Variants in WWC2 observed in about 807,000 individuals in gnomAD.
WWC2 encodes the protein protein WWC2.
WWC2 carries 101 observed loss-of-function variants against 138.5 expected under a neutral mutation model. The observed-to-expected ratio is 0.73, with a 90% CI of 0.62 to 0.86. WWC2 has a LOEUF of 0.86. Ranked by LOEUF, WWC2 falls within the 40% of genes least tolerant of loss-of-function variation. WWC2 has a pLI of 0.00. For synonymous variants in WWC2, 558 were observed against 538.4 expected (o/e 1.04, Z -0.50); for missense variants, 1,420 against 1,419.4 (o/e 1.00, Z -0.01).
intron 20 of WWC2, among the ~76,000 whole-genome samples, chr4:183,288,358 A>G (rs960820036): frequency 6.6e-6 from 1 of 152,198 alleles, no homozygotes; most frequent in African/African-American, 2.4e-5. Context: ...CCTCGCTCAT[A>G]TCAAATAGTA....
chr4:183,289,354 A>G (rs1183309331), intron 20 of WWC2, 39 bp from the exon 21 acceptor site: 4 of 1,594,582 alleles, frequency 2.5e-6, no homozygotes, highest in Middle Eastern at 1.7e-4. Flanking sequence ...CACTGCCTGT[A>G]TAACCAGGGT....
intron 1 of WWC2, among the ~76,000 whole-genome samples, chr4:183,135,899 T>G (rs753616010): frequency 4.8e-4 from 73 of 152,326 alleles, no homozygotes; most frequent in Non-Finnish European, 2.6e-4. Context: ...AGGCTTTTAT[T>G]TTTGGTTTTT....
At chr4:183,256,577 C>G (rs1737149929) in intron 9 of WWC2, among the ~76,000 whole-genome samples, 2 of 152,102 alleles carry the variant, frequency 1.3e-5, no homozygotes, top group Non-Finnish European at 1.5e-5. Flanking sequence ...CCAGCAGTGT[C>G]TCCTCAGTGT....
chr4:183,300,239 G>T (rs1478628851), intron 21 of WWC2, among the ~76,000 whole-genome samples: 1 of 152,096 alleles, frequency 6.6e-6, no homozygotes, highest in East Asian at 1.9e-4. Flanking sequence ...GGCCTCGTAA[G>T]CCCGGCATCT....
In WWC2 at chr4:183,316,818, G is replaced by C. The variant is rs1739455143; in HGVS notation, c.*1089G>C. 1 of 152,212 alleles carries C rather than the reference G, an allele frequency of 6.6e-6. No homozygotes were observed. The highest frequency in any genetic ancestry group is 1.5e-5 in the Non-Finnish European group (1 of 68,050). The allele number at this position is 152,212 out of a possible 1,614,324, so 9.4% of individuals were successfully genotyped here. ...TTCTATCTATAATTTATGGTAAATA[G>C]TTGGGAGGCAAAGGGAAGAATGTGT... On this transcript the variant is annotated 3_prime_UTR_variant, in exon 23 of 23. Coordinates refer to ENST00000403733, the MANE Select transcript of WWC2 (RefSeq NM_024949.6).
At position 183,208,053 on chromosome 4, in the gene WWC2, G is replaced by A. The variant is rs1735492955; in HGVS notation, c.342G>A (p.Gln114=). Residue 114 remains glutamine, a synonymous_variant, in exon 3 of 23, where the codon CAG becomes CAA. Transcript: ENST00000403733. The stretch of plus-strand genomic sequence containing the variant: ...TGGCACAGGATGCCCTCCGGACACA[G>A]AAGGAACTGTACCATGTGAAGGAGC... ...LSVAQDALRT[Q]KELYHVKEQR... 1 of 1,613,804 alleles carries A rather than the reference G, an allele frequency of 6.2e-7. No homozygotes were observed. Among genetic ancestry groups the A allele is most frequent in the African/African-American group, 1.3e-5 (1 of 74,922 alleles).
intron 16 of WWC2, among the ~76,000 whole-genome samples, chr4:183,272,557 G>A (rs758059794): frequency 6.6e-6 from 1 of 152,078 alleles, no homozygotes; most frequent in Non-Finnish European, 1.5e-5. Context: ...CATTGTCATC[G>A]TCGCCAAAGA....
chr4:183,184,413 C>T (rs1734734451), intron 1 of WWC2, among the ~76,000 whole-genome samples: 1 of 152,150 alleles, frequency 6.6e-6, no homozygotes. Context: ...CACCTTTTGG[C>T]TATTATGAAT....
intron 1 of WWC2, among the ~76,000 whole-genome samples, chr4:183,170,233 A>G (rs1734238902): frequency 2.0e-5 from 3 of 152,338 alleles, no homozygotes; most frequent in Non-Finnish European, 2.9e-5. Context: ...TTGATCCATT[A>G]TCTGTCTTAA....
At position 183,271,127 on chromosome 4, in the gene WWC2, T is replaced by C; in HGVS notation, c.2448T>C (p.Val816=). 6.2e-7 allele frequency: 1 copy of C among 1,611,662 alleles called. No individual in the cohort carries two copies. Among genetic ancestry groups the C allele is most frequent in the East Asian group, 2.2e-5 (1 of 44,748 alleles). The part of the protein sequence containing the change: ...SLADLPFSSE[V]FTLWYNLLPS... Reference sequence around the variant, plus strand: ...CAGATTTACCATTTTCCAGTGAGGTTTTCACTCTATGGTATAACTTGCTTC... The same window carrying C: ...CAGATTTACCATTTTCCAGTGAGGTCTTCACTCTATGGTATAACTTGCTTC... The change falls in exon 16 of 23, where the codon GTT becomes GTC. Residue 816 remains valine (V), a synonymous_variant. Transcript: ENST00000403733.
chr4:183,238,797 G>A (rs1026539105), intron 4 of WWC2, among the ~76,000 whole-genome samples: 1 of 152,032 alleles, frequency 6.6e-6, no homozygotes, highest in Non-Finnish European at 1.5e-5. Context: ...AGCACCTTTG[G>A]TAATTACTAA....
At chr4:183,272,392 T>G (rs1737719460) in intron 16 of WWC2, among the ~76,000 whole-genome samples, 1 of 152,232 alleles carries the variant, frequency 6.6e-6, no homozygotes, top group Non-Finnish European at 1.5e-5. Context: ...TTTATGTAAG[T>G]TCTTAAAAAT....
At chr4:183,180,731 C>T (rs898242703) in intron 1 of WWC2, among the ~76,000 whole-genome samples, 1 of 142,986 alleles carries the variant, frequency 7.0e-6, no homozygotes, top group African/African-American at 2.6e-5. Context: ...AAGCTAGACA[C>T]AAGAAACCAC....
Position 183,282,921 on chromosome 4 carries a change from G to C in WWC2, c.2883+15G>C. The C allele has an allele frequency of 6.4e-7, 1 of 1,561,140 alleles. No homozygotes were observed. Among genetic ancestry groups the C allele is most frequent in the Non-Finnish European group, 8.7e-7 (1 of 1,152,316 alleles). On this transcript the variant is annotated intron_variant, in intron 18 of 22. Coordinates refer to ENST00000403733, the MANE Select transcript of WWC2 (RefSeq NM_024949.6). ...TACCAACACTGGTGACTATTCCGCT[G>C]TGCTGTCTTAAAACTGATACCTTAC... is the stretch of plus-strand genomic sequence containing the variant.
At chr4:183,150,233 T>A (rs2111114623) in intron 1 of WWC2, among the ~76,000 whole-genome samples, 1 of 152,330 alleles carries the variant, frequency 6.6e-6, no homozygotes, top group Non-Finnish European at 1.5e-5. Flanking sequence ...GTTGACAGAT[T>A]TAAAACCTTA....
At chr4:183,143,874 T>C (rs1428870829) in intron 1 of WWC2, among the ~76,000 whole-genome samples, 2 of 152,198 alleles carry the variant, frequency 1.3e-5, no homozygotes, top group African/African-American at 2.4e-5. Flanking sequence ...TAAGTTTTAC[T>C]TCTAGAATAT....
At chr4:183,234,252 T>C (rs1327341620) in intron 4 of WWC2, among the ~76,000 whole-genome samples, 2 of 152,216 alleles carry the variant, frequency 1.3e-5, no homozygotes, top group Non-Finnish European at 2.9e-5. Context: ...TATCAGTTGC[T>C]TTAGCGTAGT....
chr4:183,190,641 C>A (rs1734964524), intron 1 of WWC2, among the ~76,000 whole-genome samples: 1 of 151,918 alleles, frequency 6.6e-6, no homozygotes, highest in Non-Finnish European at 1.5e-5. Flanking sequence ...TTTGAAGGAA[C>A]TCTGCAAAGA....
At chr4:183,240,521 T>TACCTTTATCTC (rs1736583107) in intron 5 of WWC2, 1 of 322,472 alleles carries the variant, frequency 3.1e-6, no homozygotes, top group Non-Finnish European at 5.6e-6. Context: ...GCCTTTGTCT[T>TACCTTTATCTC]ACCTTTATCT....
Sources: gnomAD v4.1 joint callset for allele counts (sites outside exome capture counted in the v4.1 genomes callset) on GRCh38, gnomAD v4.1.1 for gene constraint, MANE v1.5 for transcripts, NCBI Gene and HGNC (gene_info 2026-07-23, HGNC 2026-07-21) for gene names.